The following AGMO variants were observed in gnomAD, a reference collection of about 807,000 sequenced individuals.
AGMO encodes alkylglycerol monooxygenase.
In AGMO, 75 loss-of-function variants were observed where a neutral mutation model predicts 60.2. The observed-to-expected ratio is 1.25, with a 90% CI of 1.03 to 1.51. The LOEUF (loss-of-function observed/expected upper bound fraction) is 1.51, where lower values mean the gene tolerates loss of function less well. Among genes scored for constraint, AGMO ranks in the 40% most tolerant of loss-of-function variants. The pLI is 0.00. For synonymous variants in AGMO, 261 were observed against 177.1 expected, an observed-to-expected ratio of 1.47 and a Z score of -3.76; for missense variants, 763 against 525.5, an observed-to-expected ratio of 1.45 and a Z score of -4.42.
chr7:15,336,649 T>C (rs531871767), intron 12 of AGMO, among the ~76,000 whole-genome samples: 35 of 152,304 alleles, frequency 2.3e-4, no homozygotes, highest in African/African-American at 7.9e-4. Flanking sequence ...GAATATGGGC[T>C]GTTATATTCA....
In AGMO at chr7:15,385,510, A is replaced by G; in HGVS notation, c.1010T>C (p.Ile337Thr). The G allele has an allele frequency of 1.9e-6, 3 of 1,613,534 alleles. No homozygotes were observed. The highest frequency in any genetic ancestry group is 2.5e-6 in the Non-Finnish European group (3 of 1,179,650). Reference sequence around the variant, plus strand: ...CAGAGCAAACTGTACAACTGTATATATCTTTAATAGCTGAGATGAAGATGA... The same window carrying G: ...CAGAGCAAACTGTACAACTGTATATGTCTTTAATAGCTGAGATGAAGATGA... The part of the protein sequence containing the change: ...FSSSSSQLLK[I>T]YTVVQFALML... The change falls in exon 10 of 13, where the codon ATA becomes ACA. Residue 337 changes from isoleucine (I) to threonine (T), a missense_variant. Transcript: ENST00000342526.
intron 12 of AGMO, among the ~76,000 whole-genome samples, chr7:15,240,911 C>A (rs1334740981): frequency 2.0e-5 from 3 of 151,776 alleles, no homozygotes; most frequent in African/African-American, 7.3e-5. Flanking sequence ...AATTCATTTC[C>A]TTAGGCTACA....
intron 12 of AGMO, among the ~76,000 whole-genome samples, chr7:15,264,518 T>C (rs1012055903): frequency 1.3e-5 from 2 of 152,044 alleles, no homozygotes; most frequent in Admixed American, 1.3e-4. Flanking sequence ...CAATTATTAT[T>C]TCTATTCTCA....
the AGMO span, among the ~76,000 whole-genome samples, chr7:15,142,737 C>G: frequency 3.3e-5 from 5 of 152,108 alleles, no homozygotes; most frequent in African/African-American, 9.7e-5. Flanking sequence ...AAGAGCTAGG[C>G]TACCTTAGTG....
At chr7:15,385,874 G>C (rs968631839) in intron 9 of AGMO, among the ~76,000 whole-genome samples, 1 of 152,094 alleles carries the variant, frequency 6.6e-6, no homozygotes, top group Non-Finnish European at 1.5e-5. Flanking sequence ...GGCGGCAAAA[G>C]CAAAGTAAAA....
At chr7:15,186,304 G>A in the AGMO span, among the ~76,000 whole-genome samples, 1 of 152,216 alleles carries the variant, frequency 6.6e-6, no homozygotes, top group Non-Finnish European at 1.5e-5. Flanking sequence ...TGTTTTGCTA[G>A]ACCACATTAC....
intron 5 of AGMO, among the ~76,000 whole-genome samples, chr7:15,415,594 T>C (rs1780743054): frequency 6.6e-6 from 1 of 152,052 alleles, no homozygotes; most frequent in Non-Finnish European, 1.5e-5. Flanking sequence ...TATCAAAGAA[T>C]TAAGTTATTT....
rs1320619240 is a variant in AGMO at position 15,533,270 on chromosome 7, T to G, written c.409+11502A>C. Among the ~76,000 whole-genome samples, 3 of 152,240 alleles carry G rather than the reference T, an allele frequency of 2.0e-5. No homozygotes were observed. The East Asian group carries it at 5.8e-4, about 29-fold the overall frequency. ...TTATTTATCTCCATTCTCTTATTCA[T>G]CAATCTATTTTCTTGGGATTAATAA... On this transcript the variant is annotated intron_variant, in intron 3 of 12. Transcript: ENST00000342526.
chr7:15,319,040 C>G (rs1291021513), intron 12 of AGMO, among the ~76,000 whole-genome samples: 1 of 152,214 alleles, frequency 6.6e-6, no homozygotes, highest in East Asian at 1.9e-4. Context: ...CAAACTCTTT[C>G]ATCGGTTTCT....
intron 12 of AGMO, among the ~76,000 whole-genome samples, chr7:15,205,725 T>G (rs28521002): frequency 3.6e-4 from 55 of 152,106 alleles, no homozygotes; most frequent in African/African-American, 1.3e-3. Context: ...ATTATATGTT[T>G]TCAGCCAAAT....
intron 4 of AGMO, 72 bp downstream of exon 4, chr7:15,430,933 T>TTTTTTTTTTTA: frequency 1.3e-6 from 1 of 788,670 alleles, no homozygotes; most frequent in Non-Finnish European, 1.9e-6. Context: ...TTTTTTTTTT[T>TTTTTTTTTTTA]GAGGAAATAG....
chr7:15,358,042 CTTCA>C (rs1056969853), intron 12 of AGMO, among the ~76,000 whole-genome samples: 10 of 152,234 alleles, frequency 6.6e-5, no homozygotes, highest in East Asian at 1.9e-4. Context: ...TTGAATCTTC[CTTCA>C]TTATCTGATA....
chr7:15,391,809 G>T (rs1784150279), intron 6 of AGMO, among the ~76,000 whole-genome samples: 1 of 152,110 alleles, frequency 6.6e-6, no homozygotes, highest in Non-Finnish European at 1.5e-5. Context: ...GCAATTTCTG[G>T]AGACATGAGT....
intron 12 of AGMO, among the ~76,000 whole-genome samples, chr7:15,298,622 G>A (rs573417547): frequency 6.6e-6 from 1 of 152,108 alleles, no homozygotes; most frequent in South Asian, 2.1e-4. Flanking sequence ...GACTAGTCTT[G>A]AACCCCTGGG....
At chr7:15,322,282 T>TA (rs1445728079) in intron 12 of AGMO, among the ~76,000 whole-genome samples, 3 of 147,516 alleles carry the variant, frequency 2.0e-5, no homozygotes, top group Non-Finnish European at 4.5e-5. Flanking sequence ...AGACGCCACT[T>TA]AAAAAAACAA....
intron 12 of AGMO, among the ~76,000 whole-genome samples, chr7:15,296,709 T>C (rs1254268966): frequency 1.3e-5 from 2 of 152,146 alleles, no homozygotes; most frequent in African/African-American, 4.8e-5. Flanking sequence ...AAATGTAAAT[T>C]CTGTTAGTCC....
rs182433658 is a variant in AGMO, at chr7:15,481,055, T to C, written c.410-49947A>G. ...ACATTAACATTAATATGTTTATGCA[T>C]ATGTTTATACATATGATATATATGT... On this transcript the variant is annotated intron_variant, in intron 3 of 12. Coordinates refer to ENST00000342526, the MANE Select transcript of AGMO (RefSeq NM_001004320.2). Among the ~76,000 whole-genome samples, 601 of 147,086 alleles carry C rather than the reference T, an allele frequency of 4.1e-3. 6 individuals are homozygous for C. The highest frequency in any genetic ancestry group is 3.5e-3 in the Non-Finnish European group (234 of 66,372).
intron 2 of AGMO, 51 bp from the exon 3 acceptor site, chr7:15,544,974 A>G (rs1295739043): frequency 3.1e-6 from 4 of 1,293,382 alleles, no homozygotes; most frequent in Non-Finnish European, 4.1e-6. Context: ...TAGAAAAAAA[A>G]TTACGCTAAA....
At chr7:15,510,910 T>C (rs1220338319) in intron 3 of AGMO, among the ~76,000 whole-genome samples, 1 of 148,366 alleles carries the variant, frequency 6.7e-6, no homozygotes. Context: ...TGTATATATG[T>C]ATAAATATAT....
Sources: gnomAD v4.1 joint callset for allele counts (sites outside exome capture counted in the v4.1 genomes callset) on GRCh38, gnomAD v4.1.1 for gene constraint, MANE v1.5 for transcripts, NCBI Gene and HGNC (gene_info 2026-07-23, HGNC 2026-07-21) for gene names.